The following CNTN5 variants were observed in gnomAD, a reference collection of about 807,000 sequenced individuals.
CNTN5 encodes the protein contactin-5.
Under a neutral mutation model 129.1 loss-of-function variants are expected in CNTN5, and 77 were observed. The observed-to-expected ratio is 0.60, with a 90% CI of 0.50 to 0.72. The LOEUF is 0.72. Among genes scored for constraint, CNTN5 ranks in the 30% least tolerant of loss-of-function variants. The probability of loss-of-function intolerance (pLI) is 0.00; values close to 1 mark genes in which losing one functional copy is unlikely to be tolerated. For missense variants in CNTN5, 1,478 were observed against 1,328.8 expected, an observed-to-expected ratio of 1.11 and a Z score of -1.75; for synonymous variants, 509 against 465.6, an observed-to-expected ratio of 1.09 and a Z score of -1.20.
chr11:99,855,665 A>C (rs999371219), intron 6 of CNTN5, among the ~76,000 whole-genome samples: 1 of 152,180 alleles, frequency 6.6e-6, no homozygotes, highest in Non-Finnish European at 1.5e-5. Flanking sequence ...CTCCTTTCCA[A>C]GTAAGGTATC....
chr11:99,725,288 G>C (rs1943299145), intron 3 of CNTN5, among the ~76,000 whole-genome samples: 1 of 152,030 alleles, frequency 6.6e-6, no homozygotes, highest in South Asian at 2.1e-4. Flanking sequence ...ATTATGCGTA[G>C]GTATGGATTT....
chr11:99,225,695 T>A (rs1426399961), intron 1 of CNTN5, among the ~76,000 whole-genome samples: 1 of 152,188 alleles, frequency 6.6e-6, no homozygotes, highest in Non-Finnish European at 1.5e-5. Context: ...GTTACTTTTG[T>A]CATTAATTAA....
chr11:99,502,705 T>C (rs1221409804), intron 2 of CNTN5, among the ~76,000 whole-genome samples: 5 of 152,114 alleles, frequency 3.3e-5, no homozygotes, highest in Admixed American at 3.3e-4. Flanking sequence ...ACCCCAACAG[T>C]AACTTATTTT....
At chr11:99,043,578 C>G (rs996588144) in intron 1 of CNTN5, among the ~76,000 whole-genome samples, 1 of 152,028 alleles carries the variant, frequency 6.6e-6, no homozygotes, top group Non-Finnish European at 1.5e-5. Flanking sequence ...GCTTCCTATT[C>G]GAAAAAGTGG....
At chr11:99,519,200 T>C (rs1374790410) in intron 2 of CNTN5, among the ~76,000 whole-genome samples, 7 of 152,074 alleles carry the variant, frequency 4.6e-5, no homozygotes, top group Non-Finnish European at 1.0e-4. Context: ...TTCCCTTTTA[T>C]TGCTTTTTTA....
chr11:99,906,249 T>G (rs1949502597), intron 6 of CNTN5, among the ~76,000 whole-genome samples: 1 of 152,198 alleles, frequency 6.6e-6, no homozygotes, highest in South Asian at 2.1e-4. Context: ...TTTTGCCCAT[T>G]CAGTATGATA....
intron 3 of CNTN5, among the ~76,000 whole-genome samples, chr11:99,578,986 C>T (rs1308641399): frequency 1.3e-5 from 2 of 151,944 alleles, no homozygotes; most frequent in African/African-American, 2.4e-5. Flanking sequence ...AGTCTTTAAT[C>T]CATCTTGAGT....
chr11:100,178,873 G>T (rs562551425), intron 13 of CNTN5, among the ~76,000 whole-genome samples: 1 of 152,136 alleles, frequency 6.6e-6, no homozygotes, highest in Non-Finnish European at 1.5e-5. Flanking sequence ...ACCCCCAATG[G>T]GTGGCATCCC....
chr11:99,819,705 G>T lies in CNTN5; in HGVS notation c.217G>T (p.Ala73Ser). The T allele has an allele frequency of 1.9e-6, 3 of 1,612,498 alleles. No homozygotes were observed. Among genetic ancestry groups the T allele is most frequent in the Non-Finnish European group, 1.7e-6 (2 of 1,179,658 alleles). Reference sequence around the variant, plus strand: ...TTCTTCACCCAGCTGGCTAGGGGCAGCTCAGAATTATTATTCCCCCATCAA... The same window carrying T: ...TTCTTCACCCAGCTGGCTAGGGGCATCTCAGAATTATTATTCCCCCATCAA... ...SASSPSWLGA[A>S]QNYYSPINLY... Residue 73 changes from alanine (A) to serine (S), a missense_variant, in exon 4 of 25, where the codon GCT (alanine) becomes TCT (serine). Physicochemically the swap from Ala to Ser is moderately conservative, Grantham distance 99. Coordinates refer to ENST00000524871, the MANE Select transcript of CNTN5 (RefSeq NM_014361.4).
At chr11:99,791,410 C>T (rs925600608) in intron 3 of CNTN5, among the ~76,000 whole-genome samples, 2 of 152,056 alleles carry the variant, frequency 1.3e-5, no homozygotes, top group Non-Finnish European at 2.9e-5. Context: ...AGACTTTCCC[C>T]GTCACTTATT....
chr11:99,216,575 C>T (rs2406777), intron 1 of CNTN5, among the ~76,000 whole-genome samples: 93,261 of 151,570 alleles, frequency 0.62, 28,815 homozygotes, highest in Middle Eastern at 0.72. Context: ...ATCCATCATA[C>T]GCTGGATAAT....
At chr11:99,434,250 T>C (rs534410565) in intron 2 of CNTN5, among the ~76,000 whole-genome samples, 2 of 152,290 alleles carry the variant, frequency 1.3e-5, no homozygotes, top group East Asian at 3.9e-4. Flanking sequence ...GCAATTTCCA[T>C]GTCATGCAGC....
chr11:100,022,598 G>A lies in CNTN5; in HGVS notation c.980+20462G>A, dbSNP rs192480219. On this transcript the variant is annotated intron_variant, in intron 9 of 24. Transcript: ENST00000524871. ...ATAATGAGAACATTAATTTATATTT[G>A]TCCATGTAGTTACCATTTTCAATGC... Among the ~76,000 whole-genome samples the A allele has an allele frequency of 3.3e-3, 500 of 152,192 alleles. 4 individuals carry two copies. The highest frequency in any genetic ancestry group is 7.2e-3 in the South Asian group (35 of 4,828).
intron 9 of CNTN5, among the ~76,000 whole-genome samples, chr11:100,041,620 A>T (rs1314135743): frequency 6.6e-6 from 1 of 152,218 alleles, no homozygotes. Flanking sequence ...ACCTAGGCAA[A>T]AATGATATGT....
chr11:100,038,442 C>T (rs188320806), intron 9 of CNTN5, among the ~76,000 whole-genome samples: 6,289 of 152,208 alleles, frequency 0.041, 149 homozygotes, highest in African/African-American at 0.07. Context: ...AATGTATATT[C>T]TGTTGATTTG....
chr11:99,700,681 A>C (rs1182395209), intron 3 of CNTN5, among the ~76,000 whole-genome samples: 2 of 151,420 alleles, frequency 1.3e-5, no homozygotes, highest in Non-Finnish European at 3.0e-5. Context: ...CGGTAAAAGA[A>C]ATACAATGAG....
At chr11:100,087,374 T>C (rs1261870009) in intron 13 of CNTN5, among the ~76,000 whole-genome samples, 1 of 151,768 alleles carries the variant, frequency 6.6e-6, no homozygotes, top group African/African-American at 2.4e-5. Flanking sequence ...AAGGTGTAAA[T>C]GCTTTCAGTA....
intron 1 of CNTN5, among the ~76,000 whole-genome samples, chr11:99,060,518 G>A (rs1368097448): frequency 6.6e-6 from 1 of 151,916 alleles, no homozygotes; most frequent in Non-Finnish European, 1.5e-5. Context: ...CTTATTATCA[G>A]GTTGATCATT....
At chr11:99,852,578 T>G (rs1473827555) in intron 6 of CNTN5, among the ~76,000 whole-genome samples, 1 of 152,240 alleles carries the variant, frequency 6.6e-6, no homozygotes, top group Non-Finnish European at 1.5e-5. Flanking sequence ...ATCATAAATT[T>G]GCAAGTTTTT....
Sources: allele counts gnomAD v4.1 joint callset (sites outside exome capture counted in the v4.1 genomes callset), GRCh38; gene constraint gnomAD v4.1.1; transcripts MANE v1.5; gene names NCBI Gene and HGNC (gene_info 2026-07-23, HGNC 2026-07-21).